KIF21B: variants seen among roughly 807,000 people sequenced by gnomAD.
KIF21B encodes kinesin family member 21B, also known as kinesin-like protein KIF21B.
In KIF21B, 85 loss-of-function variants were observed where a neutral mutation model predicts 192.9. The observed-to-expected ratio is 0.44, with a 90% confidence interval of 0.37 to 0.53. KIF21B has a LOEUF of 0.53. KIF21B is among the 20% of genes least tolerant of loss of function. The pLI is 0.00. For missense variants in KIF21B, 1,716 were observed against 2,194.8 expected (o/e 0.78, Z 4.36); for synonymous variants, 832 against 884.6 (o/e 0.94, Z 1.05).
At chr1:200,995,554 G>A (rs539124563) in intron 15 of KIF21B, among the ~76,000 whole-genome samples, 1 of 152,222 alleles carries the variant, frequency 6.6e-6, no homozygotes, top group African/African-American at 2.4e-5. Flanking sequence ...ACTCTGAGTG[G>A]TGGCAAAGTA....
At chr1:201,002,594 C>T (rs1657563495) in intron 8 of KIF21B, 2 of 505,250 alleles carry the variant, frequency 4.0e-6, no homozygotes, top group South Asian at 5.9e-5. Flanking sequence ...AGGCCTCTCA[C>T]AATCTTACTT....
rs1021080625 is a variant in KIF21B, at chr1:201,002,037, C to G, written c.1402+124G>C. The stretch of plus-strand genomic sequence containing the variant: ...TTTTAAAATCAAGTGAAAAAAAATG[C>G]ATAAATGAGTTGAACTATGAATTGA... On this transcript the variant is annotated intron_variant, in intron 9 of 34. Coordinates refer to ENST00000461742, the MANE Select transcript of KIF21B (RefSeq NM_001252102.2). 5.1e-6 allele frequency: 4 copies of G among 779,020 alleles called. No homozygotes were observed. The Admixed American group carries it at 7.8e-5, about 15-fold the overall frequency. The allele number at this position is 779,020 out of a possible 1,614,324, so 48.3% of individuals were successfully genotyped here. A position where few individuals can be genotyped will look rare whatever the true frequency, so the allele number is the denominator to read the frequency against.
intron 1 of KIF21B, among the ~76,000 whole-genome samples, chr1:201,016,038 A>G (rs1318832185): frequency 2.0e-5 from 3 of 152,242 alleles, no homozygotes; most frequent in South Asian, 2.1e-4. Context: ...ACACGAACAC[A>G]TGAAATGTGT....
chr1:201,003,878 C>T, intron 7 of KIF21B, 97 bp from the exon 8 acceptor site: 3 of 1,275,426 alleles, frequency 2.4e-6, no homozygotes, highest in Non-Finnish European at 3.4e-6. Context: ...CCCATTCCCC[C>T]ACTACCTTAA....
chr1:201,003,902 T>A (rs1657649540), intron 7 of KIF21B, 121 bp from the exon 8 acceptor site: 3 of 1,017,138 alleles, frequency 2.9e-6, no homozygotes, highest in Admixed American at 2.0e-5. Flanking sequence ...CCAAAGCACG[T>A]GGGCATTCAG....
At chr1:200,985,344 C>G (rs530828613) in intron 26 of KIF21B, among the ~76,000 whole-genome samples, 1 of 152,010 alleles carries the variant, frequency 6.6e-6, no homozygotes, top group Admixed American at 6.6e-5. Flanking sequence ...AAAAATTAGG[C>G]GGGCATGGTG....
chr1:201,023,198 G>T lies in KIF21B; in HGVS notation c.41+145C>A. The T allele has an allele frequency of 1.7e-6, 1 of 598,614 alleles. No individual in the cohort carries two copies. The highest frequency in any genetic ancestry group is 2.6e-6 in the Non-Finnish European group (1 of 386,574). 37.1% of individuals were successfully genotyped at this position (598,614 alleles called of 1,614,324 possible). A position where few individuals can be genotyped will look rare whatever the true frequency, so the allele number is the denominator to read the frequency against. On this transcript the variant is annotated intron_variant, in intron 1 of 34. Coordinates refer to ENST00000461742, the MANE Select transcript of KIF21B (RefSeq NM_001252102.2). This position sits in a 1 kb window ranked among gnomAD's most constrained non-coding sequence, Gnocchi z 5.9. ...CCTGCGGCAGACTGGCCAGCGCGCG[G>T]CGCCCTCCATCCCGTCCCACGCCGG...
intron 3 of KIF21B, among the ~76,000 whole-genome samples, chr1:201,007,670 A>C (rs1657981412): frequency 6.6e-6 from 1 of 151,688 alleles, no homozygotes; most frequent in Non-Finnish European, 1.5e-5. Context: ...ACACAGAGAC[A>C]CATAGACACA....
chr1:200,974,809 G>T lies in KIF21B; in HGVS notation c.4719C>A (p.Asn1573Lys). 1 of 1,614,246 alleles carries T rather than the reference G, an allele frequency of 6.2e-7. No homozygotes were observed. Among genetic ancestry groups the T allele is most frequent in the South Asian group, 1.1e-5 (1 of 91,092 alleles). Reference sequence around the variant, plus strand: ...CACCGATGGGTGTGAAGTTGTCCACGTTCCAGACCTTGATGACACCCGCAC... The same window carrying T: ...CACCGATGGGTGTGAAGTTGTCCACTTTCCAGACCTTGATGACACCCGCAC... Reference protein sequence around the residue: ...ACRAGVIKVWNVDNFTPIGEI... With the variant: ...ACRAGVIKVWKVDNFTPIGEI... Residue 1573 changes from asparagine to lysine, a missense_variant, in exon 34 of 35, where the codon AAC becomes AAA. This residue lies in a region of KIF21B where 580 missense variants were observed against 775.5 expected (regional missense o/e 0.75). Transcript: ENST00000461742.
At chr1:201,009,585 A>G in intron 1 of KIF21B, 97 bp from the exon 2 acceptor site, 2 of 1,205,194 alleles carry the variant, frequency 1.7e-6, no homozygotes, top group South Asian at 1.4e-5. Context: ...CACTTCCCCC[A>G]TGAGCCAGAG....
chr1:200,979,615 C>A lies in KIF21B; in HGVS notation c.4080G>T (p.Ser1360=). 6.3e-7 allele frequency: 1 copy of A among 1,591,698 alleles called. No homozygotes were observed. The highest frequency in any genetic ancestry group is 8.6e-7 in the Non-Finnish European group (1 of 1,169,382). Residue 1360 remains serine (S), a synonymous_variant, in exon 30 of 35, where the codon TCG becomes TCT. Transcript: ENST00000461742. ...AGGTGGACACGGAGAACACAAGCCC[C>A]GAGTGGCTGCAGTACTTGATGGAGA... ...NVVSIKYCSH[S]GLVFSVSTSY...
rs949284464 is a variant in KIF21B at position 201,017,140 on chromosome 1, G to T, written c.41+6203C>A. ...CAGGGGAGGGGGTGCCTGCCATGAG[G>T]CACCTTGAGAGTCCTGTTGTCTATG... On this transcript the variant is annotated intron_variant, in intron 1 of 34. Transcript: ENST00000461742. The surrounding 1 kb of genome is among the most constrained non-coding windows in gnomAD (Gnocchi z 4.1). 6.6e-6 allele frequency among the ~76,000 whole-genome samples: 1 copy of T among 152,172 alleles called. No individual in the cohort carries two copies. Among genetic ancestry groups the T allele is most frequent in the East Asian group, 1.9e-4 (1 of 5,188 alleles).
chr1:200,989,787 A>C (rs1253446685), intron 21 of KIF21B, among the ~76,000 whole-genome samples, 155 bp downstream of exon 21: 2 of 152,236 alleles, frequency 1.3e-5, no homozygotes, highest in Non-Finnish European at 2.9e-5. Context: ...TCAGCTTTAC[A>C]GCTGTGGCAT....
chr1:200,984,298 A>T (rs1045672105), intron 27 of KIF21B, among the ~76,000 whole-genome samples: 2 of 152,244 alleles, frequency 1.3e-5, no homozygotes, highest in African/African-American at 4.8e-5. Flanking sequence ...AATCACATAT[A>T]TGAAAGCAGG....
Position 200,973,127 on chromosome 1 carries a change from A to T in KIF21B, c.*394T>A, listed in dbSNP as rs1009785957. 1 of 186,212 alleles carries T rather than the reference A, an allele frequency of 5.4e-6. No individual in the cohort carries two copies. Among genetic ancestry groups the T allele is most frequent in the Non-Finnish European group, 1.1e-5 (1 of 90,698 alleles). 11.5% of individuals were successfully genotyped at this position (186,212 alleles called of 1,614,324 possible). On this transcript the variant is annotated 3_prime_UTR_variant, in exon 35 of 35. Coordinates refer to ENST00000461742, the MANE Select transcript of KIF21B (RefSeq NM_001252102.2). Reference sequence around the variant, plus strand: ...CTGGGCTGGGAGAAGCGGGGAGGCCAGCTCCTCGGAAGGGTGGGATGGGGC... The same window carrying T: ...CTGGGCTGGGAGAAGCGGGGAGGCCTGCTCCTCGGAAGGGTGGGATGGGGC...
rs1332126459 is a variant in KIF21B at position 200,982,341 on chromosome 1, G to A, written c.3842+715C>T. On this transcript the variant is annotated intron_variant, in intron 28 of 34. Coordinates refer to ENST00000461742, the MANE Select transcript of KIF21B (RefSeq NM_001252102.2). This position sits in a 1 kb window ranked among gnomAD's most constrained non-coding sequence, Gnocchi z 4.7. ...CGACACTCAGGGCTGGAGGCTCGAG[G>A]AGCTGAGACAGCCCACCAGGAGAGC... Among the ~76,000 whole-genome samples, 2 of 152,176 alleles carry A rather than the reference G, an allele frequency of 1.3e-5. No individual in the cohort carries two copies. Among genetic ancestry groups the A allele is most frequent in the African/African-American group, 2.4e-5 (1 of 41,440 alleles).
Position 201,002,190 on chromosome 1 carries a change from T to A in KIF21B, c.1373A>T (p.Gln458Leu). Residue 458 changes from glutamine to leucine, a missense_variant, in exon 9 of 35, where the codon CAG becomes CTG. This residue lies in a region of KIF21B where 1,087 missense variants were observed against 1,316.6 expected (regional missense o/e 0.83). Transcript: ENST00000461742. ...INNRVTQLMSQEANLLLAKAG... is the reference protein window; with the variant it reads ...INNRVTQLMSLEANLLLAKAG... ...CTTGGCTAGCAGCAGGTTGGCCTCC[T>A]GGCTCATGAGCTGGGTGACGCGGTT... is the stretch of plus-strand genomic sequence containing the variant. The A allele has an allele frequency of 6.2e-7, 1 of 1,614,188 alleles. No individual in the cohort carries two copies. Among genetic ancestry groups the A allele is most frequent in the South Asian group, 1.1e-5 (1 of 91,082 alleles).
At chr1:201,004,561 GC>G in intron 6 of KIF21B, 106 bp from the exon 7 acceptor site, 1 of 1,164,760 alleles carries the variant, frequency 8.6e-7, no homozygotes, top group Non-Finnish European at 1.2e-6. Context: ...GGCCCCAGCA[GC>G]CCTCTTGCTC....
intron 29 of KIF21B, 129 bp downstream of exon 29, chr1:200,980,831 C>T: frequency 3.4e-6 from 4 of 1,179,492 alleles, no homozygotes; most frequent in Non-Finnish European, 4.7e-6. Context: ...GGGTAGTAAG[C>T]AAATAGACCC....
Sources: gnomAD v4.1 joint callset for allele counts (sites outside exome capture counted in the v4.1 genomes callset) on GRCh38, gnomAD v4.1.1 for gene constraint, gnomAD v4.1.1 regional missense constraint, Gnocchi (gnomAD v3.1) non-coding constraint, MANE v1.5 for transcripts, NCBI Gene and HGNC (gene_info 2026-07-23, HGNC 2026-07-21) for gene names.